The following SGCD variants were observed in gnomAD, a reference collection of about 807,000 sequenced individuals.
SGCD encodes sarcoglycan delta.
Under a neutral mutation model 36.6 loss-of-function variants are expected in SGCD, and 18 were observed. That is an observed-to-expected ratio of 0.49 (90% CI 0.34 to 0.73). The LOEUF (loss-of-function observed/expected upper bound fraction) is 0.73. Among genes scored for constraint, SGCD ranks in the 30% least tolerant of loss-of-function variants. The probability of loss-of-function intolerance (pLI) is 0.01; values close to 1 mark genes in which losing one functional copy is unlikely to be tolerated. For synonymous variants in SGCD, 133 were observed against 130.6 expected (o/e 1.02, Z -0.12); for missense variants, 387 against 346.7 (o/e 1.12, Z -0.92).
At chr5:156,269,510 A>AAAAAAACAAAAG (rs1408141297) in intron 3 of SGCD, among the ~76,000 whole-genome samples, 15 of 137,728 alleles carry the variant, frequency 1.1e-4, no homozygotes, top group Non-Finnish European at 1.9e-4. Flanking sequence ...AAAAAAAAAA[A>AAAAAAACAAAAG]CCATCAGATC....
At chr5:156,470,358 T>A (rs1754900256) in intron 3 of SGCD, among the ~76,000 whole-genome samples, 1 of 152,192 alleles carries the variant, frequency 6.6e-6, no homozygotes, top group African/African-American at 2.4e-5. Context: ...GTTTTTTTTT[T>A]ATACTTTAAG....
At chr5:156,191,039 A>G (rs1034062479) in intron 3 of SGCD, among the ~76,000 whole-genome samples, 36 of 152,140 alleles carry the variant, frequency 2.4e-4, no homozygotes, top group Non-Finnish European at 1.0e-4. Context: ...ATTTATTTCA[A>G]TGTAATGGAT....
chr5:155,780,020 G>GA, the SGCD span, among the ~76,000 whole-genome samples: 5 of 151,902 alleles, frequency 3.3e-5, no homozygotes, highest in African/African-American at 4.8e-5. Flanking sequence ...TTAATTCACT[G>GA]AAAAAAATGT....
At chr5:156,247,097 C>T (rs866263876) in intron 3 of SGCD, among the ~76,000 whole-genome samples, 9 of 152,226 alleles carry the variant, frequency 5.9e-5, no homozygotes, top group South Asian at 2.1e-4. Flanking sequence ...TACCCTGTTG[C>T]CCTGTTAGCC....
chr5:156,201,347 A>C (rs946607500), intron 3 of SGCD, among the ~76,000 whole-genome samples: 1 of 152,172 alleles, frequency 6.6e-6, no homozygotes, highest in African/African-American at 2.4e-5. Context: ...ATTTTGAAAA[A>C]CTGAGGAACA....
intron 1 of SGCD, among the ~76,000 whole-genome samples, chr5:156,068,226 CTCG>C (rs895642601): frequency 1.8e-3 from 277 of 151,884 alleles, no homozygotes; most frequent in Middle Eastern, 6.8e-3. Context: ...CACCCATTAA[CTCG>C]TCATTTAGCA....
chr5:155,950,161 C>T (rs577699370), intron 1 of SGCD, among the ~76,000 whole-genome samples: 4 of 152,248 alleles, frequency 2.6e-5, no homozygotes, highest in African/African-American at 7.2e-5. Flanking sequence ...CAGCTTCATC[C>T]AGGACATAAA....
the SGCD span, among the ~76,000 whole-genome samples, chr5:155,862,484 A>C: frequency 3.9e-5 from 6 of 152,228 alleles, no homozygotes; most frequent in Non-Finnish European, 8.8e-5. Flanking sequence ...GCACCGCTAC[A>C]CCTGGCTAGT....
intron 3 of SGCD, among the ~76,000 whole-genome samples, chr5:156,481,788 G>T (rs1755440605): frequency 6.6e-6 from 1 of 152,152 alleles, no homozygotes; most frequent in South Asian, 2.1e-4. Context: ...AGCACACCTG[G>T]ACACAGAACC....
chr5:155,805,252 A>G, the SGCD span, among the ~76,000 whole-genome samples: 1 of 152,170 alleles, frequency 6.6e-6, no homozygotes, highest in Non-Finnish European at 1.5e-5. Flanking sequence ...AAACACTTCT[A>G]TAGATATCTG....
intron 3 of SGCD, among the ~76,000 whole-genome samples, chr5:156,258,324 A>C (rs1258874431): frequency 1.3e-5 from 2 of 152,234 alleles, no homozygotes; most frequent in African/African-American, 4.8e-5. Context: ...CATATAACTC[A>C]GAGAACCAGT....
Position 155,891,558 on chromosome 5 carries a change from CT to C in SGCD, c.-282+21153del, listed in dbSNP as rs372399423. Among the ~76,000 whole-genome samples the C allele has an allele frequency of 7.6e-3, 462 of 60,782 alleles. 16 individuals carry two copies. The highest frequency in any genetic ancestry group is 0.027 in the African/African-American group (400 of 14,604). 39.9% of individuals were successfully genotyped at this position (60,782 alleles called of 152,430 possible). Reference sequence around the variant, plus strand: ...CAAATTCCAGAGAAAAATAAATACTCTTTTTTTTTTTTTTTTTTTGGTGACA... The same window carrying C: ...CAAATTCCAGAGAAAAATAAATACTCTTTTTTTTTTTTTTTTTTGGTGACA... On this transcript the variant is annotated intron_variant, in intron 1 of 9. Coordinates refer to the SGCD transcript ENST00000517913.
At chr5:156,672,082 G>A (rs1204950057) in intron 7 of SGCD, among the ~76,000 whole-genome samples, 1 of 152,100 alleles carries the variant, frequency 6.6e-6, no homozygotes, top group Non-Finnish European at 1.5e-5. Context: ...AATTTGAAAA[G>A]GATAAATATC....
chr5:156,205,357 A>T (rs1764249583), intron 3 of SGCD, among the ~76,000 whole-genome samples: 1 of 152,142 alleles, frequency 6.6e-6, no homozygotes. Context: ...AATGGCAAAT[A>T]AATGAAGAAT....
Position 156,284,997 on chromosome 5 carries a change from G to A in SGCD, c.-43-44537G>A, listed in dbSNP as rs186598606. Among the ~76,000 whole-genome samples the A allele has an allele frequency of 3.8e-3, 581 of 152,186 alleles. 4 individuals are homozygous for A. Among genetic ancestry groups the A allele is most frequent in the Middle Eastern group, 6.8e-3 (2 of 294 alleles). On this transcript the variant is annotated intron_variant, in intron 3 of 9. Coordinates refer to the SGCD transcript ENST00000517913. ...AAGTCTCAGGATACAAAATCAATGTGCAAAAATCACAAGCATTCTTATACA... is the reference window on the plus strand; with the variant it reads ...AAGTCTCAGGATACAAAATCAATGTACAAAAATCACAAGCATTCTTATACA...
intron 1 of SGCD, among the ~76,000 whole-genome samples, chr5:156,029,495 C>G (rs1324421158): frequency 6.6e-6 from 1 of 152,146 alleles, no homozygotes; most frequent in Non-Finnish European, 1.5e-5. Context: ...TAGATGTGAT[C>G]TTTATCCTCA....
At chr5:156,493,587 T>C (rs1191562021) in intron 3 of SGCD, among the ~76,000 whole-genome samples, 5 of 152,168 alleles carry the variant, frequency 3.3e-5, no homozygotes, top group African/African-American at 1.2e-4. Context: ...ATTCCCTTTT[T>C]AAAGGATGGA....
At chr5:156,480,747 C>T (rs1755388535) in intron 3 of SGCD, among the ~76,000 whole-genome samples, 1 of 152,170 alleles carries the variant, frequency 6.6e-6, no homozygotes, top group African/African-American at 2.4e-5. Context: ...TTGCAATTGC[C>T]ACTACTGAAA....
At chr5:156,350,034 G>A (rs1248070491) in intron 3 of SGCD, among the ~76,000 whole-genome samples, 1 of 151,550 alleles carries the variant, frequency 6.6e-6, no homozygotes, top group Non-Finnish European at 1.5e-5. Context: ...CTAAGCTAAG[G>A]GTATGCACAG....
Sources: gnomAD v4.1 joint callset for allele counts (sites outside exome capture counted in the v4.1 genomes callset) on GRCh38, gnomAD v4.1.1 for gene constraint, MANE v1.5 for transcripts, NCBI Gene and HGNC (gene_info 2026-07-23, HGNC 2026-07-21) for gene names.